The following DCUN1D4 variants were observed in gnomAD, a reference collection of about 807,000 sequenced individuals.
The protein encoded by DCUN1D4 is DCN1-like protein 4.
In DCUN1D4, 22 loss-of-function variants were observed where a neutral mutation model predicts 47.9. The observed-to-expected ratio is 0.46, with a 90% CI of 0.33 to 0.66. DCUN1D4 has a LOEUF of 0.66. DCUN1D4 is among the 30% of genes least tolerant of loss of function. The pLI is 0.02. For missense variants in DCUN1D4, 301 were observed against 340.8 expected, an observed-to-expected ratio of 0.88 and a Z score of 0.92; for synonymous variants, 121 against 112.2, an observed-to-expected ratio of 1.08 and a Z score of -0.50.
intron 1 of DCUN1D4, among the ~76,000 whole-genome samples, chr4:51,851,640 A>G (rs1723381617): frequency 6.6e-6 from 1 of 152,068 alleles, no homozygotes; most frequent in Non-Finnish European, 1.5e-5. Context: ...AACTGAGAGA[A>G]GGAAAGAGAA....
intron 3 of DCUN1D4, among the ~76,000 whole-genome samples, chr4:51,867,257 A>G (rs1400582315): frequency 6.6e-6 from 1 of 152,202 alleles, no homozygotes; most frequent in Non-Finnish European, 1.5e-5. Context: ...ACAGAACCCC[A>G]AAGAGGGTGT....
chr4:51,876,406 G>A (rs189238857), intron 4 of DCUN1D4, among the ~76,000 whole-genome samples: 16 of 152,000 alleles, frequency 1.1e-4, no homozygotes, highest in South Asian at 2.1e-4. Context: ...ATCACACACC[G>A]GGGGGCCTGT....
chr4:51,906,031 G>A (rs146233189), intron 8 of DCUN1D4, among the ~76,000 whole-genome samples: 233 of 152,200 alleles, frequency 1.5e-3, no homozygotes, highest in Non-Finnish European at 2.2e-3. Context: ...AAGGGAAGAT[G>A]GAAGGAGGGC....
intron 8 of DCUN1D4, among the ~76,000 whole-genome samples, chr4:51,901,780 A>G (rs1162798284): frequency 6.6e-6 from 1 of 152,116 alleles, no homozygotes; most frequent in Non-Finnish European, 1.5e-5. Context: ...TTCTTTGTAC[A>G]TCCTTTGTTT....
At chr4:51,878,619 C>T (rs1728050651) in intron 5 of DCUN1D4, among the ~76,000 whole-genome samples, 1 of 152,100 alleles carries the variant, frequency 6.6e-6, no homozygotes, top group Non-Finnish European at 1.5e-5. Flanking sequence ...CAACCTCAAC[C>T]ACTCCCCTCT....
At chr4:51,852,525 A>G (rs1364593796) in intron 1 of DCUN1D4, among the ~76,000 whole-genome samples, 1 of 152,236 alleles carries the variant, frequency 6.6e-6, no homozygotes, top group Admixed American at 6.5e-5. Flanking sequence ...GAAACGGGAT[A>G]GTTGTACATT....
intron 8 of DCUN1D4, among the ~76,000 whole-genome samples, chr4:51,908,212 A>G (rs1395303721): frequency 6.6e-6 from 1 of 152,226 alleles, no homozygotes; most frequent in African/African-American, 2.4e-5. Flanking sequence ...GGATTGGTAT[A>G]TCTTTCGTGT....
At position 51,863,722 on chromosome 4, in the gene DCUN1D4, G is replaced by A. The variant is rs777228405; in HGVS notation, c.136+13G>A. On this transcript the variant is annotated intron_variant, in intron 3 of 10. Coordinates refer to ENST00000334635, the MANE Select transcript of DCUN1D4 (RefSeq NM_001040402.3). ...GATCACCAAACAGGTATCTGTAAAT[G>A]CTAACACTACTTAATTTTAAATAGC... 6.2e-7 allele frequency: 1 copy of A among 1,610,116 alleles called. No individual in the cohort carries two copies. The highest frequency in any genetic ancestry group is 8.5e-7 in the Non-Finnish European group (1 of 1,178,198).
intron 3 of DCUN1D4, among the ~76,000 whole-genome samples, chr4:51,864,298 G>T (rs1166606712): frequency 6.6e-6 from 1 of 152,140 alleles, no homozygotes; most frequent in Non-Finnish European, 1.5e-5. Flanking sequence ...TGCTGATGGA[G>T]CTGGTCTGGA....
rs1448307500 is a variant in DCUN1D4, at chr4:51,891,774, C to A, written c.429C>A (p.Val143=). The change falls in exon 7 of 11, where the codon GTC becomes GTA. Residue 143 remains valine, a synonymous_variant. Coordinates refer to ENST00000334635, the MANE Select transcript of DCUN1D4 (RefSeq NM_001040402.3). ...GVEPENVVML[V]LAWKLDAQNM... ...TTTTTTAACAGGTAGTTATGCTTGT[C>A]CTAGCTTGGAAATTGGATGCACAAA... The A allele has an allele frequency of 6.2e-7, 1 of 1,609,924 alleles. No homozygotes were observed. The highest frequency in any genetic ancestry group is 1.3e-5 in the African/African-American group (1 of 74,408).
intron 1 of DCUN1D4, among the ~76,000 whole-genome samples, chr4:51,857,317 C>A (rs113209144): frequency 1.3e-5 from 2 of 152,136 alleles, no homozygotes; most frequent in Admixed American, 1.3e-4. Flanking sequence ...GTCTAACTTA[C>A]GGCCCTAATG....
At chr4:51,845,460 A>G (rs1209180850) in intron 1 of DCUN1D4, among the ~76,000 whole-genome samples, 3 of 152,208 alleles carry the variant, frequency 2.0e-5, no homozygotes, top group Non-Finnish European at 2.9e-5. Context: ...GTGGAGAACC[A>G]TAAGACTTTT....
chr4:51,887,486 T>C (rs1328568498), intron 6 of DCUN1D4, among the ~76,000 whole-genome samples: 1 of 152,238 alleles, frequency 6.6e-6, no homozygotes, highest in Non-Finnish European at 1.5e-5. Flanking sequence ...TGCCTAATTC[T>C]TAGCATGTTA....
At chr4:51,861,333 G>A (rs2109885424) in intron 1 of DCUN1D4, among the ~76,000 whole-genome samples, 1 of 152,220 alleles carries the variant, frequency 6.6e-6, no homozygotes, top group African/African-American at 2.4e-5. Flanking sequence ...TGTGGGGTTG[G>A]AAGGAAGGGT....
chr4:51,916,562 C>G lies in DCUN1D4; in HGVS notation c.*2978C>G, dbSNP rs1413083338. 6.6e-6 allele frequency: 1 copy of G among 152,562 alleles called. No individual in the cohort carries two copies. The highest frequency in any genetic ancestry group is 2.1e-4 in the South Asian group (1 of 4,836). 9.5% of individuals were successfully genotyped at this position (152,562 alleles called of 1,614,324 possible). A position where few individuals can be genotyped will look rare whatever the true frequency, so the allele number is the denominator to read the frequency against. On this transcript the variant is annotated 3_prime_UTR_variant, in exon 11 of 11. Transcript: ENST00000334635. ...ATTGACCAACTAAAATGTTGGGTGT[C>G]TGTAAATGAGACCAAAACGTGGGTT...
At chr4:51,872,789 T>G (rs2109968645) in intron 3 of DCUN1D4, among the ~76,000 whole-genome samples, 1 of 152,354 alleles carries the variant, frequency 6.6e-6, no homozygotes, top group Admixed American at 6.5e-5. Flanking sequence ...TCTCTCTGCT[T>G]TGGTTTCCCT....
chr4:51,844,680 C>T (rs1048055621), intron 1 of DCUN1D4, among the ~76,000 whole-genome samples: 4 of 151,510 alleles, frequency 2.6e-5, no homozygotes, highest in Admixed American at 6.6e-5. Flanking sequence ...GGGGGCGCGA[C>T]TTCTCCCAGG....
intron 5 of DCUN1D4, among the ~76,000 whole-genome samples, chr4:51,878,409 C>T (rs1409721703): frequency 6.6e-6 from 1 of 152,092 alleles, no homozygotes; most frequent in Non-Finnish European, 1.5e-5. Flanking sequence ...AAAAAATTTT[C>T]AAACAAGCTC....
chr4:51,857,120 T>C (rs1055967224), intron 1 of DCUN1D4, among the ~76,000 whole-genome samples: 10 of 152,222 alleles, frequency 6.6e-5, no homozygotes, highest in African/African-American at 2.4e-4. Flanking sequence ...ATGTGTCATG[T>C]CTCGTGCTCA....
Sources: allele counts gnomAD v4.1 joint callset (sites outside exome capture counted in the v4.1 genomes callset), GRCh38; gene constraint gnomAD v4.1.1; transcripts MANE v1.5; gene names NCBI Gene and HGNC (gene_info 2026-07-23, HGNC 2026-07-21).